TOP1: variants seen among roughly 807,000 people sequenced by gnomAD.
TOP1 encodes DNA topoisomerase 1.
Under a neutral mutation model 111.1 loss-of-function variants are expected in TOP1, and 10 were observed. That is an observed-to-expected ratio of 0.09 (90% confidence interval 0.06 to 0.15). The LOEUF (loss-of-function observed/expected upper bound fraction) is 0.15. Among genes scored for constraint, TOP1 ranks in the 10% least tolerant of loss-of-function variants. TOP1 has a pLI of 1.00. For missense variants in TOP1, 474 were observed against 926.7 expected, an observed-to-expected ratio of 0.51 and a Z score of 6.34; for synonymous variants, 271 against 302.9, an observed-to-expected ratio of 0.89 and a Z score of 1.10.
intron 2 of TOP1, among the ~76,000 whole-genome samples, chr20:41,044,672 A>G (rs1245594513): frequency 6.6e-6 from 1 of 152,232 alleles, no homozygotes; most frequent in Non-Finnish European, 1.5e-5. Flanking sequence ...GCTAGGAAGC[A>G]GAGTATTTTC....
Position 41,079,608 on chromosome 20 carries a change from G to A in TOP1, c.336-477G>A, listed in dbSNP as rs947109012. Among the ~76,000 whole-genome samples the A allele has an allele frequency of 3.3e-5, 5 of 152,120 alleles. No individual in the cohort carries two copies. Among genetic ancestry groups the A allele is most frequent in the Non-Finnish European group, 5.9e-5 (4 of 68,018 alleles). The stretch of plus-strand genomic sequence containing the variant: ...TCCATGTAGCTAGATATACATGTAC[G>A]TTATTGCCACATTTTTAGAACTTTA... On this transcript the variant is annotated intron_variant, in intron 5 of 20. Coordinates refer to ENST00000361337, the MANE Select transcript of TOP1 (RefSeq NM_003286.4). This position sits in a 1 kb window ranked among gnomAD's most constrained non-coding sequence, Gnocchi z 4.0.
rs2034454363 is a variant in TOP1 at position 41,123,732 on chromosome 20, C to T, written c.*435C>T. On this transcript the variant is annotated 3_prime_UTR_variant, in exon 21 of 21. Transcript: ENST00000361337. This position sits in a 1 kb window ranked among gnomAD's most constrained non-coding sequence, Gnocchi z 5.8. ...TAGAAATAAATTCCTAAACTCCCTTCCCTCTCTCCCATTTCAGGAATTTAA... is the reference window on the plus strand; with the variant it reads ...TAGAAATAAATTCCTAAACTCCCTTTCCTCTCTCCCATTTCAGGAATTTAA... 4.3e-6 allele frequency: 1 copy of T among 232,386 alleles called. No individual in the cohort carries two copies. The highest frequency in any genetic ancestry group is 2.2e-5 in the African/African-American group (1 of 45,238). 14.4% of individuals were successfully genotyped at this position (232,386 alleles called of 1,614,324 possible). A position where few individuals can be genotyped will look rare whatever the true frequency, so the allele number is the denominator to read the frequency against.
At position 41,097,722 on chromosome 20, in the gene TOP1, G is replaced by T; in HGVS notation, c.852+381G>T. On this transcript the variant is annotated intron_variant, in intron 10 of 20. Transcript: ENST00000361337. This position sits in a 1 kb window ranked among gnomAD's most constrained non-coding sequence, Gnocchi z 4.2. ...TGTTAATTCTTGCTCATTTATTTTA[G>T]GTACTTTCTACTCTTGAAACCACAT... Among the ~76,000 whole-genome samples, 1 of 152,116 alleles carries T rather than the reference G, an allele frequency of 6.6e-6. No individual in the cohort carries two copies. The highest frequency in any genetic ancestry group is 6.6e-5 in the Admixed American group (1 of 15,258).
In TOP1 at chr20:41,118,397, G is replaced by A. The variant is rs1219304364; in HGVS notation, c.1950+101G>A. 1 of 1,361,472 alleles carries A rather than the reference G, an allele frequency of 7.3e-7. No homozygotes were observed. The highest frequency in any genetic ancestry group is 1.0e-6 in the Non-Finnish European group (1 of 982,032). 84.3% of individuals were successfully genotyped at this position (1,361,472 alleles called of 1,614,324 possible). On this transcript the variant is annotated intron_variant, in intron 18 of 20. Coordinates refer to ENST00000361337, the MANE Select transcript of TOP1 (RefSeq NM_003286.4). The surrounding 1 kb of genome is among the most constrained non-coding windows in gnomAD (Gnocchi z 4.6). Reference sequence around the variant, plus strand: ...ATATCAGCAGGCCAGTGCTGGGTCTGTTGTAGAAGGTCTATGCTAAAGATA... The same window carrying A: ...ATATCAGCAGGCCAGTGCTGGGTCTATTGTAGAAGGTCTATGCTAAAGATA...
chr20:41,066,619 A>G (rs1169987854), intron 3 of TOP1, among the ~76,000 whole-genome samples: 1 of 149,830 alleles, frequency 6.7e-6, no homozygotes, highest in Non-Finnish European at 1.5e-5. Context: ...CAGTGACACA[A>G]TCTCGGCTCA....
chr20:41,056,654 A>G (rs924858616), intron 2 of TOP1, among the ~76,000 whole-genome samples: 3 of 152,090 alleles, frequency 2.0e-5, no homozygotes, highest in Non-Finnish European at 4.4e-5. Flanking sequence ...AATTTTTTAA[A>G]CAGTTTTCGT....
At position 41,114,911 on chromosome 20, in the gene TOP1, G is replaced by C. The variant is rs1396812711; in HGVS notation, c.1639-460G>C. On this transcript the variant is annotated intron_variant, in intron 15 of 20. Coordinates refer to ENST00000361337, the MANE Select transcript of TOP1 (RefSeq NM_003286.4). This position sits in a 1 kb window ranked among gnomAD's most constrained non-coding sequence, Gnocchi z 4.5. The stretch of plus-strand genomic sequence containing the variant: ...CATAATCAGTAATCAGGTTTTGCTG[G>C]CTGTGGAAGTACTCTGGACAGATTA... Among the ~76,000 whole-genome samples, 4 of 152,170 alleles carry C rather than the reference G, an allele frequency of 2.6e-5. No individual in the cohort carries two copies. The highest frequency in any genetic ancestry group is 2.6e-4 in the Admixed American group (4 of 15,268).
rs933550883 is a variant in TOP1, at chr20:41,061,175, A to G, written c.59-219A>G. On this transcript the variant is annotated intron_variant, in intron 2 of 20. Transcript: ENST00000361337. This position sits in a 1 kb window ranked among gnomAD's most constrained non-coding sequence, Gnocchi z 4.6. ...CAGAATAATTGGCTCTCATTTCCTT[A>G]TCCTCCCCATATTAGTAACTTGTCT... Among the ~76,000 whole-genome samples the G allele has an allele frequency of 1.3e-5, 2 of 152,168 alleles. No homozygotes were observed. The highest frequency in any genetic ancestry group is 6.5e-5 in the Admixed American group (1 of 15,274).
chr20:41,038,066 A>G (rs752908487), intron 2 of TOP1, among the ~76,000 whole-genome samples: 3 of 152,198 alleles, frequency 2.0e-5, no homozygotes, highest in Non-Finnish European at 4.4e-5. Context: ...GTATACAAGG[A>G]ATGTGCCCAC....
chr20:41,048,179 C>T (rs1407904783), intron 2 of TOP1, among the ~76,000 whole-genome samples: 4 of 151,606 alleles, frequency 2.6e-5, no homozygotes. Context: ...GGAATAGAAA[C>T]TGAAAATAAA....
rs1331137011 is a variant in TOP1, at chr20:41,123,348, A to G, written c.*51A>G. The G allele has an allele frequency of 1.4e-6, 2 of 1,403,302 alleles. No individual in the cohort carries two copies. Among genetic ancestry groups the G allele is most frequent in the Non-Finnish European group, 2.0e-6 (2 of 992,306 alleles). 86.9% of individuals were successfully genotyped at this position (1,403,302 alleles called of 1,614,324 possible). The stretch of plus-strand genomic sequence containing the variant: ...GAAGAGGAACAGTGTGGTTTGGGAA[A>G]GATGGATAAACTGAGCCTCACTTGC... On this transcript the variant is annotated 3_prime_UTR_variant, in exon 21 of 21. Transcript: ENST00000361337. The surrounding 1 kb of genome is among the most constrained non-coding windows in gnomAD (Gnocchi z 5.8).
intron 3 of TOP1, chr20:41,072,698 A>T: frequency 1.0e-6 from 1 of 985,354 alleles, no homozygotes; most frequent in Non-Finnish European, 1.2e-6. Flanking sequence ...TCTGCTCTCC[A>T]TTTGTGGAGG....
chr20:41,088,050 T>C (rs1246314664), intron 8 of TOP1, among the ~76,000 whole-genome samples: 1 of 152,234 alleles, frequency 6.6e-6, no homozygotes, highest in East Asian at 1.9e-4. Context: ...ATGAGCTTAC[T>C]GAAACAGATA....
chr20:41,070,523 C>T (rs1364841858), intron 3 of TOP1, among the ~76,000 whole-genome samples: 2 of 152,190 alleles, frequency 1.3e-5, no homozygotes, highest in African/African-American at 4.8e-5. Context: ...GCTCTTTTCC[C>T]AGAGGCAACT....
chr20:41,105,943 A>G (rs766234754), intron 13 of TOP1, among the ~76,000 whole-genome samples: 23 of 152,074 alleles, frequency 1.5e-4, no homozygotes, highest in Non-Finnish European at 3.1e-4. Flanking sequence ...TAAGTACTTC[A>G]GTTTACATCA....
At position 41,100,007 on chromosome 20, in the gene TOP1, G is replaced by A; in HGVS notation, c.976-49G>A. The A allele has an allele frequency of 1.4e-6, 2 of 1,381,190 alleles. No individual in the cohort carries two copies. Among genetic ancestry groups the A allele is most frequent in the Non-Finnish European group, 2.0e-6 (2 of 991,878 alleles). The allele number at this position is 1,381,190 out of a possible 1,614,324, so 85.6% of individuals were successfully genotyped here. On this transcript the variant is annotated intron_variant, in intron 11 of 20. Coordinates refer to ENST00000361337, the MANE Select transcript of TOP1 (RefSeq NM_003286.4). This position sits in a 1 kb window ranked among gnomAD's most constrained non-coding sequence, Gnocchi z 4.4. ...CCACAAGAGATAAAATGCATTAGTA[G>A]AGAACAGCAATCTGAATCTATTTTG...
intron 3 of TOP1, among the ~76,000 whole-genome samples, chr20:41,075,938 T>A (rs1027986949): frequency 1.3e-5 from 2 of 152,036 alleles, no homozygotes; most frequent in Non-Finnish European, 2.9e-5. Context: ...TTAGTCACTT[T>A]AAAAAAAATG....
intron 3 of TOP1, chr20:41,073,055 A>T: frequency 1.0e-6 from 1 of 985,362 alleles, no homozygotes; most frequent in Non-Finnish European, 1.2e-6. Context: ...GGCAGAGGAA[A>T]TATCGTTGAC....
At chr20:41,120,284 A>G (rs996363064) in intron 18 of TOP1, among the ~76,000 whole-genome samples, 3 of 152,258 alleles carry the variant, frequency 2.0e-5, no homozygotes, top group African/African-American at 7.2e-5. Flanking sequence ...TAGATGTTGG[A>G]AGTAAGCCAT....
Sources: gnomAD v4.1 joint callset for allele counts (sites outside exome capture counted in the v4.1 genomes callset) on GRCh38, gnomAD v4.1.1 for gene constraint, Gnocchi (gnomAD v3.1) non-coding constraint, MANE v1.5 for transcripts, NCBI Gene and HGNC (gene_info 2026-07-23, HGNC 2026-07-21) for gene names.